HK3: variants seen among roughly 807,000 people sequenced by gnomAD.
The protein encoded by HK3 is hexokinase 3.
Under a neutral mutation model 91.0 loss-of-function variants are expected in HK3, and 93 were observed. That is an observed-to-expected ratio of 1.02 (90% CI 0.86 to 1.21). HK3 has a LOEUF of 1.21. Among genes scored for constraint, HK3 ranks in the 50% most tolerant of loss-of-function variants. The pLI, the probability that HK3 is intolerant of heterozygous loss-of-function variation, is 0.00. For missense variants in HK3, 1,235 were observed against 1,247.4 expected (o/e 0.99, Z 0.15); for synonymous variants, 519 against 516.9 (o/e 1.00, Z -0.06).
At chr5:176,886,610 G>T (rs1413878384) in intron 13 of HK3, among the ~76,000 whole-genome samples, 1 of 152,040 alleles carries the variant, frequency 6.6e-6, no homozygotes, top group Non-Finnish European at 1.5e-5. Flanking sequence ...CCAACACTGA[G>T]CCAGGCACTG....
Position 176,881,438 on chromosome 5 carries a change from C to CCTGG in HK3, c.2487_2490dup (p.Ala831ProfsTer101). ...AGCTGGGCAGCCCTCTGGGACACAG[C>CCTGG]CTGGCACACCTCTAGCACCATCAGG... On this transcript the variant is annotated frameshift_variant, in exon 18 of 19. Coordinates refer to ENST00000292432, the MANE Select transcript of HK3 (RefSeq NM_002115.3). LOFTEE classifies it high-confidence loss of function. 6.2e-7 allele frequency: 1 copy of CCTGG among 1,611,176 alleles called. No individual in the cohort carries two copies. The highest frequency in any genetic ancestry group is 8.5e-7 in the Non-Finnish European group (1 of 1,180,016).
At chr5:176,885,419 T>C (rs1758557503) in intron 13 of HK3, among the ~76,000 whole-genome samples, 1 of 152,210 alleles carries the variant, frequency 6.6e-6, no homozygotes, top group Admixed American at 6.5e-5. Flanking sequence ...GAAAATAATG[T>C]GGGCCCAACA....
chr5:176,887,623 C>A lies in HK3; in HGVS notation c.1428G>T (p.Leu476=), dbSNP rs146773235. 1.6e-4 allele frequency: 266 copies of A among 1,613,692 alleles called. 1 individual carries two copies. In the African/African-American group the frequency reaches 3.2e-3, roughly 19 times the overall value. Residue 476 remains leucine, a synonymous_variant, in exon 11 of 19, where the codon CTG becomes CTT. Transcript: ENST00000292432. This position sits in a 1 kb window ranked among gnomAD's most constrained non-coding sequence, Gnocchi z 4.9. ...CCTCCAGCAGGCGCCGGTGGGCAGC[C>A]AGACGGGCAGCCACGGCAGTCACCA... ...VAMVTAVAAR[L]AAHRRLLEET...
chr5:176,893,715 TTTCCTC>T (rs1416928362), intron 2 of HK3, among the ~76,000 whole-genome samples: 5 of 152,182 alleles, frequency 3.3e-5, no homozygotes, highest in Non-Finnish European at 5.9e-5. Flanking sequence ...TTTTCTTCCT[TTTCCTC>T]TTGGGCATAT....
chr5:176,893,473 C>T (rs978814845), intron 2 of HK3, among the ~76,000 whole-genome samples: 2 of 152,142 alleles, frequency 1.3e-5, no homozygotes, highest in African/African-American at 4.8e-5. Context: ...AATAATAGTA[C>T]TTGGAAGTCC....
intron 13 of HK3, among the ~76,000 whole-genome samples, chr5:176,885,440 A>G (rs1271966803): frequency 2.0e-5 from 3 of 151,636 alleles, no homozygotes; most frequent in African/African-American, 4.8e-5. Flanking sequence ...TTTTTTTTTT[A>G]AGATGGAGTC....
In HK3 at chr5:176,881,049, G is replaced by T. The variant is rs771477494; in HGVS notation, c.*24C>A. ...CCGGCTCCAGCAAGGCTGCGGCGGA[G>T]ACCTCCTCAGCCTGGAGGTTTCCTC... On this transcript the variant is annotated 3_prime_UTR_variant, in exon 19 of 19. Coordinates refer to ENST00000292432, the MANE Select transcript of HK3 (RefSeq NM_002115.3). 35 of 1,574,734 alleles carry T rather than the reference G, an allele frequency of 2.2e-5. No individual in the cohort carries two copies. Among genetic ancestry groups the T allele is most frequent in the Non-Finnish European group, 2.8e-5 (33 of 1,161,146 alleles).
At chr5:176,890,487 T>C (rs1758735646) in intron 6 of HK3, 148 bp downstream of exon 6, 3 of 711,328 alleles carry the variant, frequency 4.2e-6, no homozygotes, top group East Asian at 2.5e-5. Flanking sequence ...ACATGTACCA[T>C]GTATAGGTTA....
intron 13 of HK3, among the ~76,000 whole-genome samples, chr5:176,885,890 C>T (rs969547025): frequency 1.4e-4 from 22 of 152,036 alleles, no homozygotes; most frequent in African/African-American, 5.1e-4. Context: ...AGCAGCAAGA[C>T]TGGCCCACTG....
chr5:176,891,249 C>T (rs745874084), intron 3 of HK3, 58 bp from the exon 4 acceptor site: 3 of 1,613,074 alleles, frequency 1.9e-6, no homozygotes, highest in East Asian at 2.2e-5. Context: ...AGCCCTCTGC[C>T]CACTTCCCAA....
chr5:176,881,467 T>A lies in HK3; in HGVS notation c.2462A>T (p.Asp821Val). 1 of 1,608,694 alleles carries A rather than the reference T, an allele frequency of 6.2e-7. No homozygotes were observed. The highest frequency in any genetic ancestry group is 8.5e-7 in the Non-Finnish European group (1 of 1,179,980). ...GCACACCTCTAGCACCATCAGGGCG[T>A]CATCTGAGGTCAGGGGTAGCCCCAG... is the stretch of plus-strand genomic sequence containing the variant. ...EDLGLPLTSD[D>V]ALMVLEVCQA... The change falls in exon 18 of 19, where the codon GAC (aspartate) becomes GTC (valine). Residue 821 changes from aspartate to valine, a missense_variant. Coordinates refer to ENST00000292432, the MANE Select transcript of HK3 (RefSeq NM_002115.3).
intron 15 of HK3, among the ~76,000 whole-genome samples, chr5:176,882,749 C>G (rs771487472): frequency 6.6e-6 from 1 of 152,162 alleles, no homozygotes; most frequent in Non-Finnish European, 1.5e-5. Context: ...AAAGGCATTC[C>G]AGGCAGAGGA....
chr5:176,898,375 T>C (rs971344632), intron 1 of HK3, among the ~76,000 whole-genome samples: 1 of 152,232 alleles, frequency 6.6e-6, no homozygotes, highest in Non-Finnish European at 1.5e-5. Context: ...ATACCTATGC[T>C]GAGTTTCCAA....
At chr5:176,896,295 G>T in intron 1 of HK3, 110 bp from the exon 2 acceptor site, 2 of 521,104 alleles carry the variant, frequency 3.8e-6, no homozygotes, top group Non-Finnish European at 6.8e-6. Flanking sequence ...AGGAAGCTGG[G>T]AGCAGAATTC....
chr5:176,894,953 T>G (rs1158929743), intron 2 of HK3, among the ~76,000 whole-genome samples: 2 of 151,298 alleles, frequency 1.3e-5, no homozygotes, highest in East Asian at 1.9e-4. Flanking sequence ...ATTTTTTGTA[T>G]TTTTTAGTAC....
At chr5:176,885,378 C>T (rs1399024796) in intron 13 of HK3, among the ~76,000 whole-genome samples, 2 of 152,172 alleles carry the variant, frequency 1.3e-5, no homozygotes, top group Non-Finnish European at 2.9e-5. Flanking sequence ...CTGGGGAAGG[C>T]AATCCCCACA....
In HK3 at chr5:176,884,133, C is replaced by T; in HGVS notation, c.1859G>A (p.Gly620Asp). ...ACCCTTGGTCCAGTTCAGGAGGATG[C>T]CCTGGGGTGAGACCGAGAGGAAGTG... ...FPCRQLGLDQGILLNWTKGFK... is the reference protein window; with the variant it reads ...FPCRQLGLDQDILLNWTKGFK... The change falls in exon 14 of 19, where the codon GGC becomes GAC. Residue 620 changes from glycine (G) to aspartate (D), a missense_variant and splice_region_variant. By Grantham distance (94) the Gly-to-Asp change is moderately conservative. Coordinates refer to ENST00000292432, the MANE Select transcript of HK3 (RefSeq NM_002115.3). This position sits in a 1 kb window ranked among gnomAD's most constrained non-coding sequence, Gnocchi z 4.1. 6.2e-7 allele frequency: 1 copy of T among 1,613,746 alleles called. No homozygotes were observed. Among genetic ancestry groups the T allele is most frequent in the Non-Finnish European group, 8.5e-7 (1 of 1,179,752 alleles).
In HK3 at chr5:176,881,170, C is replaced by G; in HGVS notation, c.2675G>C (p.Cys892Ser). The G allele has an allele frequency of 2.5e-6, 4 of 1,613,188 alleles. No individual in the cohort carries two copies. Among genetic ancestry groups the G allele is most frequent in the Non-Finnish European group, 3.4e-6 (4 of 1,179,952 alleles). ...AATVRELAPR[C>S]VVTFLQSEDG... ...CTCTGACTGCAGGAACGTGACCACA[C>G]AGCGAGGGGCCAGCTCCCGCACTGT... Residue 892 changes from cysteine to serine, a missense_variant, in exon 19 of 19, where the codon TGT becomes TCT. Physicochemically the swap from Cys to Ser is moderately radical, Grantham distance 112 (BLOSUM62 -1). Around this residue, in one of 3 missense-constraint regions of HK3, gnomAD observed 513 missense variants for 477.4 expected, o/e 1.07. Transcript: ENST00000292432.
Position 176,893,729 on chromosome 5 carries a change from TA to T in HK3, c.97-2180del, listed in dbSNP as rs551397208. ...TTTTTCTTCCTTTTCCTCTTGGGCA[TA>T]TTGAGATGTTCGGGAGGAGAGACTA... On this transcript the variant is annotated intron_variant, in intron 2 of 18. Coordinates refer to ENST00000292432, the MANE Select transcript of HK3 (RefSeq NM_002115.3). Among the ~76,000 whole-genome samples, 154 of 152,246 alleles carry T rather than the reference TA, an allele frequency of 1.0e-3. No individual in the cohort carries two copies. In the South Asian group the frequency reaches 0.011, roughly 11 times the overall value.
Sources: gnomAD v4.1 joint callset for allele counts (sites outside exome capture counted in the v4.1 genomes callset) on GRCh38, gnomAD v4.1.1 for gene constraint, gnomAD v4.1.1 regional missense constraint, Gnocchi (gnomAD v3.1) non-coding constraint, MANE v1.5 for transcripts, NCBI Gene and HGNC (gene_info 2026-07-23, HGNC 2026-07-21) for gene names.